Variants in SORCS2 observed in about 807,000 individuals in gnomAD.
The protein encoded by SORCS2 is VPS10 domain-containing receptor SorCS2.
In SORCS2, 100 loss-of-function variants were observed where a neutral mutation model predicts 141.6. That is an observed-to-expected ratio of 0.71 (90% confidence interval 0.60 to 0.83). The LOEUF (loss-of-function observed/expected upper bound fraction) is 0.83. Ranked by LOEUF, SORCS2 falls within the 40% of genes least tolerant of loss-of-function variation. SORCS2 has a pLI of 0.00. For synonymous variants in SORCS2, 789 were observed against 676.9 expected, an observed-to-expected ratio of 1.17 and a Z score of -2.57; for missense variants, 1,646 against 1,560.2, an observed-to-expected ratio of 1.05 and a Z score of -0.93.
intron 13 of SORCS2, 43 bp from the exon 14 acceptor site, chr4:7,704,134 T>G (rs370586764): frequency 1.9e-4 from 295 of 1,573,594 alleles, no homozygotes; most frequent in Middle Eastern, 5.0e-4. Flanking sequence ...CACAGGGAGC[T>G]TTCCAGCCCA....
At chr4:7,517,205 C>A (rs1434958889) in intron 2 of SORCS2, among the ~76,000 whole-genome samples, 1 of 152,176 alleles carries the variant, frequency 6.6e-6, no homozygotes, top group South Asian at 2.1e-4. Flanking sequence ...GTTAGCTAGT[C>A]AGTGTTGCCG....
At chr4:7,303,322 T>C (rs779965092) in intron 1 of SORCS2, among the ~76,000 whole-genome samples, 2 of 152,240 alleles carry the variant, frequency 1.3e-5, no homozygotes, top group Non-Finnish European at 2.9e-5. Context: ...CAAGGAGTTA[T>C]TAATGGATGC....
At chr4:7,610,867 A>G (rs958313498) in intron 3 of SORCS2, among the ~76,000 whole-genome samples, 4 of 152,122 alleles carry the variant, frequency 2.6e-5, no homozygotes, top group Non-Finnish European at 5.9e-5. Context: ...AGGGGAAGGC[A>G]AGGAGGATTT....
chr4:7,317,501 C>T (rs1004318355), intron 1 of SORCS2, among the ~76,000 whole-genome samples: 2 of 152,206 alleles, frequency 1.3e-5, no homozygotes, highest in African/African-American at 2.4e-5. Flanking sequence ...CCGCCCTGTG[C>T]TTTTTGCTCC....
chr4:7,691,583 A>G (rs1056799289), intron 11 of SORCS2, among the ~76,000 whole-genome samples: 1 of 152,076 alleles, frequency 6.6e-6, no homozygotes, highest in Non-Finnish European at 1.5e-5. Context: ...AGGCAGTGAC[A>G]GCCCATCTGG....
chr4:7,556,758 C>G (rs967773916), intron 3 of SORCS2, among the ~76,000 whole-genome samples: 1 of 151,188 alleles, frequency 6.6e-6, no homozygotes, highest in Non-Finnish European at 1.5e-5. Context: ...ATCTACCTAC[C>G]ACCCATTCAC....
At chr4:7,576,044 C>T (rs769561434) in intron 3 of SORCS2, among the ~76,000 whole-genome samples, 2 of 152,228 alleles carry the variant, frequency 1.3e-5, no homozygotes, top group Non-Finnish European at 2.9e-5. Flanking sequence ...AGTGAACAAA[C>T]AAGACTTCAG....
intron 2 of SORCS2, among the ~76,000 whole-genome samples, chr4:7,403,849 C>A (rs1407260047): frequency 1.3e-5 from 2 of 149,060 alleles, no homozygotes; most frequent in African/African-American, 4.9e-5. Flanking sequence ...GAGTATTCAT[C>A]ACCCGAATAA....
intron 2 of SORCS2, among the ~76,000 whole-genome samples, chr4:7,461,904 CCGCAGGCT>C (rs1729336933): frequency 3.0e-5 from 3 of 101,624 alleles, no homozygotes; most frequent in African/African-American, 1.2e-4. Context: ...AGGTGCTGTC[CCGCAGGCT>C]TCAGTGCCTC....
chr4:7,408,462 G>T (rs143658675), intron 2 of SORCS2, among the ~76,000 whole-genome samples: 2 of 151,722 alleles, frequency 1.3e-5, no homozygotes, highest in Admixed American at 6.6e-5. Flanking sequence ...TGAGAAGTCT[G>T]TTGCCGGATG....
In SORCS2 at chr4:7,726,804, G is replaced by A. The variant is rs776647737; in HGVS notation, c.2770G>A (p.Val924Met). Reference sequence around the variant, plus strand: ...GCCCCTCCTTTCCCTGGATAATTCTGTGACAACGCGGTTTTCGGACACGGG... The same window carrying A: ...GCCCCTCCTTTCCCTGGATAATTCTATGACAACGCGGTTTTCGGACACGGG... Reference protein sequence around the residue: ...LQPLLSLDNSVTTRFSDTGDV... With the variant: ...LQPLLSLDNSMTTRFSDTGDV... The change falls in exon 21 of 27, where the codon GTG becomes ATG. Residue 924 changes from valine (V) to methionine (M), a missense_variant. Coordinates refer to ENST00000507866, the MANE Select transcript of SORCS2 (RefSeq NM_020777.3). 8.1e-6 allele frequency: 13 copies of A among 1,613,638 alleles called. No individual in the cohort carries two copies. The highest frequency in any genetic ancestry group is 1.1e-5 in the Non-Finnish European group (13 of 1,179,840).
intron 4 of SORCS2, among the ~76,000 whole-genome samples, chr4:7,651,853 T>C (rs1721468467): frequency 6.6e-6 from 1 of 152,186 alleles, no homozygotes; most frequent in African/African-American, 2.4e-5. Flanking sequence ...ACTCCTGGAT[T>C]CCTTAGCCGG....
At chr4:7,470,339 A>G (rs758167836) in intron 2 of SORCS2, among the ~76,000 whole-genome samples, 113 of 150,970 alleles carry the variant, frequency 7.5e-4, no homozygotes, top group South Asian at 1.1e-3. Context: ...CCACACATCC[A>G]TCCTCTCACT....
At chr4:7,624,592 T>A (rs1157327137) in intron 3 of SORCS2, among the ~76,000 whole-genome samples, 1 of 152,214 alleles carries the variant, frequency 6.6e-6, no homozygotes, top group Non-Finnish European at 1.5e-5. Context: ...GCACTGCTGT[T>A]GAAAAGGCCT....
intron 7 of SORCS2, among the ~76,000 whole-genome samples, chr4:7,665,346 A>AT (rs1244855237): frequency 6.6e-6 from 1 of 152,152 alleles, no homozygotes; most frequent in East Asian, 1.9e-4. Flanking sequence ...GCCAGACAGG[A>AT]GGCTGCTGCT....
intron 3 of SORCS2, among the ~76,000 whole-genome samples, chr4:7,541,137 G>A (rs1048346956): frequency 3.3e-5 from 5 of 152,370 alleles, no homozygotes; most frequent in East Asian, 1.9e-4. Flanking sequence ...GGGTGAGACT[G>A]GCATTACACT....
chr4:7,538,783 C>T (rs114055707), intron 3 of SORCS2, among the ~76,000 whole-genome samples: 7 of 152,256 alleles, frequency 4.6e-5, no homozygotes, highest in South Asian at 2.1e-4. Context: ...CTCACTCGCC[C>T]GTGTCTTCGT....
chr4:7,651,144 C>G (rs746152211), intron 4 of SORCS2, among the ~76,000 whole-genome samples: 2 of 152,198 alleles, frequency 1.3e-5, no homozygotes, highest in South Asian at 2.1e-4. Flanking sequence ...AAATGAACAC[C>G]GAGCCAGAGT....
At chr4:7,546,630 A>G (rs1271045465) in intron 3 of SORCS2, among the ~76,000 whole-genome samples, 1 of 152,148 alleles carries the variant, frequency 6.6e-6, no homozygotes, top group Non-Finnish European at 1.5e-5. Context: ...AAGGTCATCG[A>G]AGGTCAGAGG....
Sources: allele counts gnomAD v4.1 joint callset (sites outside exome capture counted in the v4.1 genomes callset), GRCh38; gene constraint gnomAD v4.1.1; transcripts MANE v1.5; gene names NCBI Gene and HGNC (gene_info 2026-07-23, HGNC 2026-07-21).